Variants in USP32 observed in about 807,000 individuals in gnomAD.
The protein encoded by USP32 is ubiquitin specific peptidase 32.
USP32 carries 59 observed loss-of-function variants against 204.8 expected under a neutral mutation model. The observed-to-expected ratio is 0.29, with a 90% CI of 0.23 to 0.36. The LOEUF is 0.36. Among genes scored for constraint, USP32 ranks in the 10% least tolerant of loss-of-function variants. The probability of loss-of-function intolerance (pLI) is 1.00; values close to 1 mark genes in which losing one functional copy is unlikely to be tolerated. For synonymous variants in USP32, 517 were observed against 678.4 expected (o/e 0.76, Z 3.70); for missense variants, 1,160 against 1,946.4 (o/e 0.60, Z 7.60).
chr17:60,327,203 A>G (rs1054556180), intron 2 of USP32, among the ~76,000 whole-genome samples: 4 of 152,232 alleles, frequency 2.6e-5, no homozygotes, highest in Admixed American at 1.3e-4. Context: ...GTAATGGCCT[A>G]TTTGACATTA....
At chr17:60,223,752 A>T (rs2085315318) in intron 13 of USP32, among the ~76,000 whole-genome samples, 166 bp from the exon 14 acceptor site, 3 of 152,226 alleles carry the variant, frequency 2.0e-5, no homozygotes, top group African/African-American at 7.2e-5. Context: ...TCCTTCTCTG[A>T]ACAATACATG....
chr17:60,392,123 G>A lies in USP32; in HGVS notation c.-184C>T, dbSNP rs953821766. ...TCCCGGTCGCCGCCACCGCCTCCAT[G>A]CCGGATCACGTGACTCTTCCGCCCC... On this transcript the variant is annotated 5_prime_UTR_variant, in exon 1 of 34. Transcript: ENST00000300896. 181 of 576,448 alleles carry A rather than the reference G, an allele frequency of 3.1e-4. No homozygotes were observed. The highest frequency in any genetic ancestry group is 3.7e-4 in the Non-Finnish European group (124 of 337,452). The allele number at this position is 576,448 out of a possible 1,614,324, so 35.7% of individuals were successfully genotyped here. A position where few individuals can be genotyped will look rare whatever the true frequency, so the allele number is the denominator to read the frequency against.
intron 5 of USP32, 130 bp from the exon 6 acceptor site, chr17:60,271,611 C>T (rs1432554550): frequency 1.1e-6 from 1 of 930,750 alleles, no homozygotes; most frequent in Admixed American, 3.5e-5. Context: ...ATAATCACGA[C>T]CAAAAACAAA....
chr17:60,337,355 TAGAA>T (rs895734230), intron 2 of USP32, among the ~76,000 whole-genome samples: 3 of 152,274 alleles, frequency 2.0e-5, no homozygotes, highest in Admixed American at 1.3e-4. Flanking sequence ...TCCTCTAATC[TAGAA>T]AAAGGTTAAG....
intron 12 of USP32, among the ~76,000 whole-genome samples, chr17:60,228,574 TG>T (rs1308425773): frequency 3.3e-5 from 5 of 150,664 alleles, no homozygotes; most frequent in Non-Finnish European, 5.9e-5. Flanking sequence ...CCCTGCACTT[TG>T]GGAGCCAAGG....
chr17:60,263,401 G>T (rs551556320), intron 9 of USP32, among the ~76,000 whole-genome samples: 1 of 152,300 alleles, frequency 6.6e-6, no homozygotes, highest in Non-Finnish European at 1.5e-5. Flanking sequence ...TTGGAAGTCA[G>T]AAAAAGAATG....
At chr17:60,361,962 A>G (rs891615662) in intron 1 of USP32, among the ~76,000 whole-genome samples, 8 of 152,192 alleles carry the variant, frequency 5.3e-5, no homozygotes, top group African/African-American at 1.9e-4. Flanking sequence ...TGGAAACTAA[A>G]AGTGGATCCA....
chr17:60,329,479 T>G (rs1053252817), intron 2 of USP32, among the ~76,000 whole-genome samples: 2 of 149,572 alleles, frequency 1.3e-5, no homozygotes, highest in Middle Eastern at 3.4e-3. Flanking sequence ...TGTTTTTATT[T>G]ATTTTTTTTT....
At chr17:60,370,480 G>T (rs2146084714) in intron 1 of USP32, among the ~76,000 whole-genome samples, 1 of 152,266 alleles carries the variant, frequency 6.6e-6, no homozygotes, top group East Asian at 1.9e-4. Context: ...ATTATTTGAG[G>T]CTGGATGCAA....
rs1255720714 is a variant in USP32 at position 60,178,426 on chromosome 17, C to G, written c.*829G>C. Among the ~76,000 whole-genome samples, 2 of 152,228 alleles carry G rather than the reference C, an allele frequency of 1.3e-5. No individual in the cohort carries two copies. Among genetic ancestry groups the G allele is most frequent in the African/African-American group, 4.8e-5 (2 of 41,444 alleles). The stretch of plus-strand genomic sequence containing the variant: ...TTGGCAACTGCTCCCCTTCCCTCAG[C>G]ATGGGTGGGGCCGGGGGTGCAGAAT... On this transcript the variant is annotated 3_prime_UTR_variant, in exon 34 of 34. Transcript: ENST00000300896.
chr17:60,196,762 T>G (rs1005294447), intron 27 of USP32, among the ~76,000 whole-genome samples: 4 of 151,418 alleles, frequency 2.6e-5, no homozygotes, highest in African/African-American at 9.7e-5. Context: ...GAGGTGGAGG[T>G]TGCGTTGAGC....
At chr17:60,285,260 C>T (rs2087082155) in intron 5 of USP32, among the ~76,000 whole-genome samples, 1 of 152,090 alleles carries the variant, frequency 6.6e-6, no homozygotes, top group African/African-American at 2.4e-5. Flanking sequence ...AAAAGGTTCC[C>T]TCAATATTTT....
At chr17:60,404,309 G>A (rs1325516130) in intron 1 of USP32, among the ~76,000 whole-genome samples, 3 of 152,120 alleles carry the variant, frequency 2.0e-5, no homozygotes, top group Non-Finnish European at 4.4e-5. Context: ...AGTGTTCTTT[G>A]TGCTATTCTT....
intron 11 of USP32, among the ~76,000 whole-genome samples, chr17:60,245,097 G>A (rs1470908655): frequency 6.6e-6 from 1 of 152,118 alleles, no homozygotes; most frequent in Admixed American, 6.5e-5. Flanking sequence ...TATGTAATGG[G>A]AACAACATGG....
At chr17:60,302,199 C>A (rs1279280921) in intron 2 of USP32, among the ~76,000 whole-genome samples, 1 of 151,750 alleles carries the variant, frequency 6.6e-6, no homozygotes, top group Non-Finnish European at 1.5e-5. Flanking sequence ...GCAATGGCGT[C>A]ATCTTGGCTC....
intron 28 of USP32, 62 bp from the exon 29 acceptor site, chr17:60,190,745 A>T (rs1182851249): frequency 6.4e-7 from 1 of 1,561,328 alleles, no homozygotes; most frequent in Admixed American, 2.3e-5. Context: ...AAATTTTCTT[A>T]ATAAAAAATA....
At chr17:60,281,261 G>A (rs889246147) in intron 5 of USP32, among the ~76,000 whole-genome samples, 4 of 152,200 alleles carry the variant, frequency 2.6e-5, no homozygotes, top group East Asian at 1.9e-4. Flanking sequence ...TGCTCTGGCC[G>A]GGTGCAGTGG....
upstream of USP32, among the ~76,000 whole-genome samples, chr17:60,394,785 C>G (rs923559904): frequency 1.3e-5 from 2 of 151,920 alleles, no homozygotes; most frequent in African/African-American, 2.4e-5. Flanking sequence ...GCTCTGTCGC[C>G]CAGGCTGGAA....
chr17:60,256,806 C>A, intron 9 of USP32: 2 of 1,138,196 alleles, frequency 1.8e-6, no homozygotes, highest in East Asian at 6.5e-5. Flanking sequence ...GGTTTGAATT[C>A]ATACTTATAG....
Sources: allele counts gnomAD v4.1 joint callset (sites outside exome capture counted in the v4.1 genomes callset), GRCh38; gene constraint gnomAD v4.1.1; transcripts MANE v1.5; gene names NCBI Gene and HGNC (gene_info 2026-07-23, HGNC 2026-07-21).